Variants in ARHGAP10 observed in about 807,000 individuals in gnomAD.
The protein encoded by ARHGAP10 is rho GTPase-activating protein 10.
Under a neutral mutation model 108.6 loss-of-function variants are expected in ARHGAP10, and 87 were observed. The ratio of observed to expected loss-of-function variants is 0.80; its 90% CI spans 0.67 to 0.96. The LOEUF (loss-of-function observed/expected upper bound fraction) is 0.96, where lower values mean the gene tolerates loss of function less well. Among genes scored for constraint, ARHGAP10 ranks in the 40% least tolerant of loss-of-function variants. The pLI, the probability that ARHGAP10 is intolerant of heterozygous loss-of-function variation, is 0.00. For synonymous variants in ARHGAP10, 347 were observed against 341.1 expected (o/e 1.02, Z -0.19); for missense variants, 939 against 954.5 (o/e 0.98, Z 0.21).
chr4:148,041,118 C>CT (rs1165938585), intron 19 of ARHGAP10, among the ~76,000 whole-genome samples: 2 of 152,188 alleles, frequency 1.3e-5, no homozygotes, highest in African/African-American at 4.8e-5. Flanking sequence ...TATATTAGAT[C>CT]TTTTCTTTTT....
intron 18 of ARHGAP10, among the ~76,000 whole-genome samples, chr4:147,992,501 G>A (rs192006913): frequency 1.3e-5 from 2 of 152,144 alleles, no homozygotes; most frequent in East Asian, 1.9e-4. Flanking sequence ...TCCGCCTCCC[G>A]GGTTCAAGCC....
At chr4:147,975,270 A>C (rs1479343992) in intron 18 of ARHGAP10, among the ~76,000 whole-genome samples, 1 of 152,020 alleles carries the variant, frequency 6.6e-6, no homozygotes, top group African/African-American at 2.4e-5. Context: ...ATGGCCTTGT[A>C]CTGCCCAGAG....
At chr4:147,798,866 C>T (rs1466485515) in intron 1 of ARHGAP10, among the ~76,000 whole-genome samples, 1 of 148,586 alleles carries the variant, frequency 6.7e-6, no homozygotes, top group East Asian at 2.0e-4. Flanking sequence ...CCTTTAGTCT[C>T]CATGGTTTCA....
At chr4:147,755,784 GGTGT>G (rs1282837187) in intron 1 of ARHGAP10, among the ~76,000 whole-genome samples, 1 of 151,970 alleles carries the variant, frequency 6.6e-6, no homozygotes, top group East Asian at 1.9e-4. Context: ...GTGGGGTGTG[GGTGT>G]GTGTGAGTGG....
intron 1 of ARHGAP10, among the ~76,000 whole-genome samples, chr4:147,749,198 G>C (rs554492539): frequency 6.6e-6 from 1 of 152,180 alleles, no homozygotes. Flanking sequence ...AATGAAGACT[G>C]TGATTCCTGT....
intron 15 of ARHGAP10, among the ~76,000 whole-genome samples, chr4:147,953,577 A>G (rs1738686038): frequency 6.6e-6 from 1 of 151,976 alleles, no homozygotes; most frequent in East Asian, 1.9e-4. Flanking sequence ...TATTTTTAAT[A>G]TCTTTAGAAT....
intron 18 of ARHGAP10, among the ~76,000 whole-genome samples, chr4:147,972,759 CT>C (rs150559095): frequency 7.0e-4 from 101 of 144,972 alleles, no homozygotes; most frequent in Admixed American, 8.3e-4. Context: ...AGTGACATTT[CT>C]TTTTTTTTTT....
At chr4:147,762,237 G>T (rs894292730) in intron 1 of ARHGAP10, among the ~76,000 whole-genome samples, 1 of 152,016 alleles carries the variant, frequency 6.6e-6, no homozygotes, top group African/African-American at 2.4e-5. Context: ...TGAACCCCTG[G>T]CCTCAAGCAG....
intron 1 of ARHGAP10, among the ~76,000 whole-genome samples, chr4:147,740,134 C>T (rs538141770): frequency 2.6e-4 from 40 of 151,586 alleles, no homozygotes; most frequent in African/African-American, 7.3e-4. Flanking sequence ...CTGCAACCTC[C>T]GCCTCCCAGG....
At position 147,756,100 on chromosome 4, in the gene ARHGAP10, A is replaced by C. The variant is rs559154160; in HGVS notation, c.154+23645A>C. The stretch of plus-strand genomic sequence containing the variant: ...TTTCCTCATGGTTGCAAGATGGCCT[A>C]GTCATTACACCCACCCACTTACTAG... On this transcript the variant is annotated intron_variant, in intron 1 of 22. Coordinates refer to ENST00000336498, the MANE Select transcript of ARHGAP10 (RefSeq NM_024605.4). Among the ~76,000 whole-genome samples the C allele has an allele frequency of 1.1e-3, 161 of 149,896 alleles. 3 individuals are homozygous for C. Among genetic ancestry groups the C allele is most frequent in the Middle Eastern group, 0.01 (3 of 292 alleles).
rs1214068955 is a variant in ARHGAP10, at chr4:147,909,868, ACT to A, written c.1162+96_1162+97del. The A allele has an allele frequency of 2.4e-6, 3 of 1,230,992 alleles. No individual in the cohort carries two copies. In the African/African-American group the frequency reaches 4.5e-5, roughly 18 times the overall value. 76.3% of individuals were successfully genotyped at this position (1,230,992 alleles called of 1,614,324 possible). On this transcript the variant is annotated intron_variant, in intron 12 of 22. Transcript: ENST00000336498. ...CATGTCAAGCTGTTGCTGGGAGCTT[ACT>A]CTCTGCACCCTCTATTAGACAGAGG...
In ARHGAP10 at chr4:147,965,054, C is replaced by G; in HGVS notation, c.1481C>G (p.Ala494Gly). 1 of 1,601,396 alleles carries G rather than the reference C, an allele frequency of 6.2e-7. No individual in the cohort carries two copies. The highest frequency in any genetic ancestry group is 1.3e-5 in the African/African-American group (1 of 74,446). The change falls in exon 17 of 23, where the codon GCG becomes GGG. Residue 494 changes from alanine to glycine, a missense_variant. Transcript: ENST00000336498. The stretch of plus-strand genomic sequence containing the variant: ...GGCAGCCCAGAATCTCGTGTTAATG[C>G]GATCCATTTCTTGGTACACAAACTG... ...KSGSPESRVN[A>G]IHFLVHKLPE...
At chr4:148,029,080 T>TATACCA (rs1728015756) in intron 19 of ARHGAP10, among the ~76,000 whole-genome samples, 1 of 152,196 alleles carries the variant, frequency 6.6e-6, no homozygotes, top group African/African-American at 2.4e-5. Context: ...AAAAATGGTG[T>TATACCA]AGAATGTCTT....
At position 147,913,057 on chromosome 4, in the gene ARHGAP10, T is replaced by G. The variant is rs576177763; in HGVS notation, c.1163-17T>G. The G allele has an allele frequency of 1.2e-6, 2 of 1,606,446 alleles. No individual in the cohort carries two copies. Among genetic ancestry groups the G allele is most frequent in the Admixed American group, 3.3e-5 (2 of 59,984 alleles). On this transcript the variant is annotated splice_polypyrimidine_tract_variant and intron_variant, in intron 12 of 22. Coordinates refer to ENST00000336498, the MANE Select transcript of ARHGAP10 (RefSeq NM_024605.4). ...AATAATAATTGTACACTTAATGTTT[T>G]AAACTGTTTCTTGTAGATGCACAGT... is the stretch of plus-strand genomic sequence containing the variant.
intron 18 of ARHGAP10, among the ~76,000 whole-genome samples, chr4:147,996,671 T>C (rs565360116): frequency 6.6e-6 from 1 of 152,330 alleles, no homozygotes; most frequent in South Asian, 2.1e-4. Flanking sequence ...TACCCATTTG[T>C]TATGGACTAA....
intron 17 of ARHGAP10, 107 bp from the exon 18 acceptor site, chr4:147,966,573 G>T: frequency 9.2e-7 from 1 of 1,090,904 alleles, no homozygotes; most frequent in Non-Finnish European, 1.3e-6. Context: ...GGGTGGTTAA[G>T]TCTCTTGACC....
chr4:147,875,997 T>A (rs1238552259), intron 8 of ARHGAP10, among the ~76,000 whole-genome samples: 1 of 152,192 alleles, frequency 6.6e-6, no homozygotes, highest in Non-Finnish European at 1.5e-5. Context: ...GATTAGGGTG[T>A]TTTACAGTTT....
intron 1 of ARHGAP10, among the ~76,000 whole-genome samples, chr4:147,765,266 A>T (rs956745952): frequency 1.3e-5 from 2 of 148,872 alleles, no homozygotes; most frequent in Non-Finnish European, 3.0e-5. Context: ...GGTGTTTCCA[A>T]TATCATACCT....
chr4:147,826,989 C>T (rs532937188), intron 3 of ARHGAP10, among the ~76,000 whole-genome samples: 5 of 152,278 alleles, frequency 3.3e-5, no homozygotes, highest in Non-Finnish European at 7.4e-5. Flanking sequence ...AGGTTCTTCT[C>T]CCCATCCGCT....
Sources: allele counts gnomAD v4.1 joint callset (sites outside exome capture counted in the v4.1 genomes callset), GRCh38; gene constraint gnomAD v4.1.1; transcripts MANE v1.5; gene names NCBI Gene and HGNC (gene_info 2026-07-23, HGNC 2026-07-21).